The following KLHL13 variants were observed in gnomAD, a reference collection of about 807,000 sequenced individuals.
The protein encoded by KLHL13 is kelch like family member 13, also known as kelch-like protein 13.
Under a neutral mutation model 37.1 loss-of-function variants are expected in KLHL13, and 10 were observed. The ratio of observed to expected loss-of-function variants is 0.27; its 90% CI spans 0.17 to 0.46. The LOEUF (loss-of-function observed/expected upper bound fraction) is 0.46. KLHL13 is among the 20% of genes least tolerant of loss of function. The pLI is 1.00. For synonymous variants in KLHL13, 163 were observed against 181.2 expected (o/e 0.90, Z 0.81); for missense variants, 360 against 509.3 (o/e 0.71, Z 2.82).
At chrX:118,089,618 AAGAG>A (rs778374748) in intron 1 of KLHL13, among the ~76,000 whole-genome samples, 1 of 49,449 alleles carries the variant, frequency 2.0e-5, no homozygotes, top group South Asian at 1.3e-3. Flanking sequence ...GAGAGAAAGA[AAGAG>A]AAAGAAAGAA....
chrX:117,916,412 T>G (rs773522832), intron 4 of KLHL13, among the ~76,000 whole-genome samples: 3 of 111,617 alleles, frequency 2.7e-5, no homozygotes, highest in East Asian at 5.6e-4. Flanking sequence ...TTTCCATAAC[T>G]CCAAGAAAAT....
At chrX:117,966,831 T>G (rs1489386182) in intron 1 of KLHL13, among the ~76,000 whole-genome samples, 2 of 111,826 alleles carry the variant, frequency 1.8e-5, no homozygotes, top group African/African-American at 6.5e-5. Context: ...ATTTAATAAA[T>G]GGTGCTGGGA....
At chrX:117,915,529 C>T (rs1445894031) in intron 4 of KLHL13, among the ~76,000 whole-genome samples, 1 of 111,676 alleles carries the variant, frequency 9.0e-6, no homozygotes, top group East Asian at 2.8e-4. Flanking sequence ...GGGGGGAAAA[C>T]ACAATTAAAA....
chrX:118,082,443 T>G (rs991959099), intron 1 of KLHL13, among the ~76,000 whole-genome samples: 1 of 111,656 alleles, frequency 9.0e-6, no homozygotes, highest in African/African-American at 3.3e-5. Context: ...TTTGCCAATT[T>G]TTTAATCATA....
rs147377336 is a variant in KLHL13, at chrX:118,104,491, T to C, written c.-56+12017A>G. Among the ~76,000 whole-genome samples the C allele has an allele frequency of 9.2e-3, 1,031 of 112,302 alleles. 13 individuals carry two copies. Among genetic ancestry groups the C allele is most frequent in the African/African-American group, 0.031 (971 of 30,898 alleles). On this transcript the variant is annotated intron_variant, in intron 1 of 6. Transcript: ENST00000371882. ...TTTGTTTTAAATACGAGTCTGGCTT[T>C]GCTATTTAGAACTAAGATCAATACC...
intron 1 of KLHL13, among the ~76,000 whole-genome samples, chrX:118,029,528 G>A (rs2054312685): frequency 9.0e-6 from 1 of 111,546 alleles, no homozygotes; most frequent in Non-Finnish European, 1.9e-5. Flanking sequence ...ACACTGGGAA[G>A]GTAGAATATA....
At chrX:117,955,713 C>A (rs1450892809) in intron 1 of KLHL13, among the ~76,000 whole-genome samples, 1 of 111,651 alleles carries the variant, frequency 9.0e-6, no homozygotes, top group Admixed American at 9.5e-5. Flanking sequence ...CTCTAAGTAT[C>A]ATTTTTTAAC....
intron 1 of KLHL13, among the ~76,000 whole-genome samples, chrX:117,993,682 A>G (rs1331910884): frequency 9.0e-6 from 1 of 110,863 alleles, no homozygotes; most frequent in Non-Finnish European, 1.9e-5. Flanking sequence ...TGAGAGAGAA[A>G]AAGGTAGAGG....
At chrX:118,094,233 T>C (rs2055173507) in intron 1 of KLHL13, among the ~76,000 whole-genome samples, 1 of 111,196 alleles carries the variant, frequency 9.0e-6, no homozygotes, top group East Asian at 2.8e-4. Flanking sequence ...ATGAGAAATA[T>C]GTGACGAATG....
At chrX:118,097,873 C>T (rs780828306) in intron 1 of KLHL13, among the ~76,000 whole-genome samples, 1 of 111,596 alleles carries the variant, frequency 9.0e-6, no homozygotes, top group Non-Finnish European at 1.9e-5. Flanking sequence ...ACTGGCTAGC[C>T]ATATGTAGAA....
chrX:118,090,703 T>G (rs1443431743), intron 1 of KLHL13, among the ~76,000 whole-genome samples: 1 of 109,453 alleles, frequency 9.1e-6, no homozygotes, highest in Non-Finnish European at 1.9e-5. Flanking sequence ...GTTCAACCAT[T>G]GTGGAAGTCA....
chrX:117,931,363 C>T (rs1210196261), intron 2 of KLHL13, among the ~76,000 whole-genome samples: 2 of 111,530 alleles, frequency 1.8e-5, no homozygotes, highest in African/African-American at 3.3e-5. Flanking sequence ...TTCCATATAC[C>T]TAAGTATTCT....
chrX:117,972,051 G>C (rs1254960734), intron 1 of KLHL13, among the ~76,000 whole-genome samples: 1 of 111,522 alleles, frequency 9.0e-6, no homozygotes, highest in Non-Finnish European at 1.9e-5. Context: ...AAAACTTCTA[G>C]AAAGACTTCC....
chrX:118,027,849 T>C (rs1260352125), intron 1 of KLHL13, among the ~76,000 whole-genome samples: 2 of 111,533 alleles, frequency 1.8e-5, no homozygotes, highest in Non-Finnish European at 3.8e-5. Context: ...AACTCAAACA[T>C]ACTATTCCAA....
intron 5 of KLHL13, 34 bp downstream of exon 6, chrX:117,909,267 A>T (rs1930802952): frequency 9.2e-7 from 1 of 1,082,390 alleles, no homozygotes; most frequent in African/African-American, 1.9e-5. Context: ...TGAGTGAAGA[A>T]ATTTGTCTCT....
At chrX:118,024,292 G>A (rs1302345233) in intron 1 of KLHL13, among the ~76,000 whole-genome samples, 2 of 112,206 alleles carry the variant, frequency 1.8e-5, no homozygotes, top group African/African-American at 6.5e-5. Context: ...CATTTATAAT[G>A]TGAGGGCTAA....
intron 1 of KLHL13, among the ~76,000 whole-genome samples, chrX:117,986,406 G>A (rs938473294): frequency 9.0e-6 from 1 of 111,631 alleles, no homozygotes; most frequent in African/African-American, 3.3e-5. Flanking sequence ...TAGATTTTAA[G>A]GTATGCAGAA....
At chrX:118,049,174 T>G (rs2054589444) in intron 1 of KLHL13, among the ~76,000 whole-genome samples, 1 of 111,860 alleles carries the variant, frequency 8.9e-6, no homozygotes, top group South Asian at 3.7e-4. Context: ...ATTAAACTGA[T>G]GCTATATAAA....
chrX:118,098,394 A>G (rs2055239611), intron 1 of KLHL13, among the ~76,000 whole-genome samples: 1 of 111,562 alleles, frequency 9.0e-6, no homozygotes, highest in Admixed American at 9.5e-5. Flanking sequence ...CACACCAGTT[A>G]GAATGGCAAT....
Sources: gnomAD v4.1 joint callset for allele counts (sites outside exome capture counted in the v4.1 genomes callset) on GRCh38, gnomAD v4.1.1 for gene constraint, MANE v1.5 for transcripts, NCBI Gene and HGNC (gene_info 2026-07-23, HGNC 2026-07-21) for gene names.